The following DIP2C variants were observed in gnomAD, a reference collection of about 807,000 sequenced individuals.
DIP2C encodes the protein disco-interacting protein 2 homolog C.
A neutral mutation model predicts 192.4 loss-of-function variants in DIP2C; 33 were observed. The observed-to-expected ratio is 0.17, with a 90% CI of 0.13 to 0.23. DIP2C has a LOEUF of 0.23. Ranked by LOEUF, DIP2C falls within the 10% of genes least tolerant of loss-of-function variation. The pLI is 1.00. For missense variants in DIP2C, 1,537 were observed against 2,110.1 expected, an observed-to-expected ratio of 0.73 and a Z score of 5.32; for synonymous variants, 979 against 864.1, an observed-to-expected ratio of 1.13 and a Z score of -2.33.
chr10:482,509 C>T (rs1260867137), intron 2 of DIP2C, among the ~76,000 whole-genome samples: 1 of 152,198 alleles, frequency 6.6e-6, no homozygotes, highest in Non-Finnish European at 1.5e-5. Context: ...TTACAGAGTC[C>T]TTGTAACTTG....
At chr10:582,479 G>A (rs1850732130) in intron 1 of DIP2C, among the ~76,000 whole-genome samples, 1 of 152,212 alleles carries the variant, frequency 6.6e-6, no homozygotes. Context: ...GCTACTTGGG[G>A]GACTGAGGTG....
At chr10:360,326 A>G (rs1292473436) in intron 22 of DIP2C, among the ~76,000 whole-genome samples, 1 of 152,180 alleles carries the variant, frequency 6.6e-6, no homozygotes, top group Non-Finnish European at 1.5e-5. Flanking sequence ...GGCATGTCCC[A>G]AATGCCCCCA....
At chr10:465,385 T>A (rs1433083611) in intron 3 of DIP2C, among the ~76,000 whole-genome samples, 1 of 150,386 alleles carries the variant, frequency 6.6e-6, no homozygotes, top group Non-Finnish European at 1.5e-5. Context: ...ATGGGACATA[T>A]TTCAAAATAA....
At chr10:495,788 C>A (rs1299548519) in intron 1 of DIP2C, among the ~76,000 whole-genome samples, 1 of 151,548 alleles carries the variant, frequency 6.6e-6, no homozygotes, top group Non-Finnish European at 1.5e-5. Flanking sequence ...ACCCACAGTG[C>A]CCTCCCCATG....
intron 32 of DIP2C, among the ~76,000 whole-genome samples, chr10:297,229 C>A (rs550351697): frequency 8.9e-6 from 1 of 112,576 alleles, no homozygotes; most frequent in African/African-American, 3.6e-5. Context: ...AACCCCCCCC[C>A]ACCCCACCAC....
chr10:439,821 T>G (rs1564714429), intron 4 of DIP2C, among the ~76,000 whole-genome samples: 1 of 152,116 alleles, frequency 6.6e-6, no homozygotes, highest in Non-Finnish European at 1.5e-5. Flanking sequence ...CAAGCTAAAC[T>G]TCAAAAGTAA....
Position 588,756 on chromosome 10 carries a change from C to T in DIP2C, c.85+100738G>A, listed in dbSNP as rs1023402137. On this transcript the variant is annotated intron_variant, in intron 1 of 36. Coordinates refer to ENST00000280886, the MANE Select transcript of DIP2C (RefSeq NM_014974.3). ...GGTGCCTGAACTGCCCCACAGGCTA[C>T]CCCAGCCTGCCAGGCTGGTACTCTC... 3.3e-5 allele frequency among the ~76,000 whole-genome samples: 5 copies of T among 152,216 alleles called. No homozygotes were observed. The East Asian group carries it at 9.6e-4, about 29-fold the overall frequency.
intron 25 of DIP2C, 97 bp from the exon 26 acceptor site, chr10:348,859 A>C (rs1958650026): frequency 6.5e-7 from 1 of 1,537,038 alleles, no homozygotes; most frequent in African/African-American, 1.4e-5. Flanking sequence ...CAAGTTCAAC[A>C]GGGAAACGAG....
chr10:346,206 A>G, intron 26 of DIP2C, among the ~76,000 whole-genome samples: 1 of 23,082 alleles, frequency 4.3e-5, no homozygotes, highest in African/African-American at 1.5e-4. Context: ...TCTCCCGGGA[A>G]CCCCACACTC....
At chr10:641,793 G>A (rs1156740596) in intron 1 of DIP2C, 1 of 154,192 alleles carries the variant, frequency 6.5e-6, no homozygotes, top group African/African-American at 2.4e-5. Flanking sequence ...ATTTTGGGGG[G>A]CTGAGGCAGA....
Position 520,384 on chromosome 10 carries a change from A to C in DIP2C, c.86-33854T>G, listed in dbSNP as rs574853695. ...CAGAAAGTTACTAGACATTAATTTA[A>C]GATGGGGGAAGAAAAGGATAAAGTT... On this transcript the variant is annotated intron_variant, in intron 1 of 36. Transcript: ENST00000280886. 2.6e-5 allele frequency among the ~76,000 whole-genome samples: 4 copies of C among 152,386 alleles called. No individual in the cohort carries two copies. In the East Asian group the frequency reaches 7.7e-4, roughly 29 times the overall value.
chr10:688,684 G>A (rs763633915), intron 1 of DIP2C, among the ~76,000 whole-genome samples: 13 of 151,618 alleles, frequency 8.6e-5, no homozygotes, highest in Non-Finnish European at 1.6e-4. Context: ...ACCTGGCAAA[G>A]CCCGATCTGA....
intron 22 of DIP2C, among the ~76,000 whole-genome samples, chr10:360,027 G>A (rs895363206): frequency 3.9e-5 from 6 of 152,190 alleles, no homozygotes; most frequent in Non-Finnish European, 8.8e-5. Flanking sequence ...AAGGTTTCCC[G>A]TAATGTTTTT....
intron 1 of DIP2C, among the ~76,000 whole-genome samples, chr10:570,172 C>G (rs1455588243): frequency 1.3e-5 from 2 of 152,228 alleles, no homozygotes; most frequent in African/African-American, 4.8e-5. Flanking sequence ...AGCATTCCAT[C>G]CAGCCTGTCA....
intron 1 of DIP2C, among the ~76,000 whole-genome samples, chr10:640,269 A>C (rs1855099425): frequency 6.6e-6 from 1 of 152,242 alleles, no homozygotes; most frequent in Non-Finnish European, 1.5e-5. Flanking sequence ...CACGGCCACC[A>C]AGGGCTTTGC....
chr10:607,341 GCA>G (rs1192513105), intron 1 of DIP2C, among the ~76,000 whole-genome samples: 10 of 151,264 alleles, frequency 6.6e-5, no homozygotes, highest in African/African-American at 1.7e-4. Context: ...GGCTAAGAAG[GCA>G]CAGACTTCAT....
intron 4 of DIP2C, among the ~76,000 whole-genome samples, chr10:433,523 A>G (rs1410932131): frequency 6.7e-6 from 1 of 149,412 alleles, no homozygotes; most frequent in East Asian, 1.9e-4. Flanking sequence ...CAAAAATAGG[A>G]AAAAAAAAAT....
chr10:560,379 A>G (rs1036728648), intron 1 of DIP2C, among the ~76,000 whole-genome samples: 5 of 151,672 alleles, frequency 3.3e-5, no homozygotes, highest in Admixed American at 3.3e-4. Flanking sequence ...AAACACAACC[A>G]TTTAAAAAAA....
At chr10:681,083 G>T (rs201477829) in intron 1 of DIP2C, among the ~76,000 whole-genome samples, 1 of 149,178 alleles carries the variant, frequency 6.7e-6, no homozygotes, top group Non-Finnish European at 1.5e-5. Flanking sequence ...GGCCCCAGTT[G>T]CATGGTACAG....
Sources: allele counts gnomAD v4.1 joint callset (sites outside exome capture counted in the v4.1 genomes callset), GRCh38; gene constraint gnomAD v4.1.1; transcripts MANE v1.5; gene names NCBI Gene and HGNC (gene_info 2026-07-23, HGNC 2026-07-21).